NME7: variants seen among roughly 807,000 people sequenced by gnomAD.
NME7 encodes NME/NM23 family member 7, also known as nucleoside diphosphate kinase 7.
NME7 carries 41 observed loss-of-function variants against 49.1 expected under a neutral mutation model. The ratio of observed to expected loss-of-function variants is 0.83; its 90% CI spans 0.65 to 1.08. The LOEUF (loss-of-function observed/expected upper bound fraction) is 1.08, where lower values mean the gene tolerates loss of function less well. NME7 is among the 50% of genes least tolerant of loss of function. The probability of loss-of-function intolerance (pLI) is 0.00; values close to 1 mark genes in which losing one functional copy is unlikely to be tolerated. For synonymous variants in NME7, 139 were observed against 150.6 expected (o/e 0.92, Z 0.56); for missense variants, 423 against 463.4 (o/e 0.91, Z 0.80).
At chr1:169,227,281 T>C (rs1256323889) in intron 10 of NME7, among the ~76,000 whole-genome samples, 2 of 152,130 alleles carry the variant, frequency 1.3e-5, no homozygotes, top group Non-Finnish European at 2.9e-5. Context: ...AGCCCCAAAG[T>C]GTTGTTGTTT....
intron 10 of NME7, 124 bp from the exon 11 acceptor site, chr1:169,169,678 G>A (rs1163657615): frequency 1.0e-5 from 8 of 774,560 alleles, no homozygotes; most frequent in Admixed American, 2.7e-5. Flanking sequence ...GTGCTTATAA[G>A]GGTTTTTCTG....
chr1:169,267,468 C>G (rs1448554270), intron 7 of NME7, among the ~76,000 whole-genome samples: 1 of 133,426 alleles, frequency 7.5e-6, no homozygotes, highest in Non-Finnish European at 1.8e-5. Flanking sequence ...CAAGGGAACC[C>G]TAAGCAAAAA....
Position 169,273,908 on chromosome 1 carries a change from G to A in NME7, c.754+13395C>T, listed in dbSNP as rs1649594694. Among the ~76,000 whole-genome samples, 4 of 129,276 alleles carry A rather than the reference G, an allele frequency of 3.1e-5. 1 individual carries two copies. The highest frequency in any genetic ancestry group is 1.0e-4 in the African/African-American group (4 of 38,364). 84.8% of individuals were successfully genotyped at this position (129,276 alleles called of 152,430 possible). On this transcript the variant is annotated intron_variant, in intron 7 of 11. Transcript: ENST00000367811. ...CCAAGTCTTTGCTATTGTGAATAGTGCCGCAATAAACATACGTGTGCATGT... is the reference window on the plus strand; with the variant it reads ...CCAAGTCTTTGCTATTGTGAATAGTACCGCAATAAACATACGTGTGCATGT...
chr1:169,304,875 T>G (rs1486250671), intron 4 of NME7, among the ~76,000 whole-genome samples: 1 of 152,170 alleles, frequency 6.6e-6, no homozygotes, highest in East Asian at 1.9e-4. Flanking sequence ...ACGTATATAC[T>G]GCATTACAGC....
intron 10 of NME7, among the ~76,000 whole-genome samples, chr1:169,222,239 T>C (rs954861194): frequency 2.6e-5 from 4 of 152,218 alleles, no homozygotes; most frequent in African/African-American, 9.6e-5. Context: ...AACTAGAATG[T>C]AAGCTTGGTG....
intron 11 of NME7, among the ~76,000 whole-genome samples, chr1:169,144,944 T>C (rs955662624): frequency 4.6e-5 from 7 of 152,212 alleles, no homozygotes; most frequent in African/African-American, 1.4e-4. Flanking sequence ...GAACAATGAA[T>C]TCTTTATTAA....
At position 169,249,215 on chromosome 1, in the gene NME7, T is replaced by C. The variant is rs1014941487; in HGVS notation, c.755-11528A>G. Reference sequence around the variant, plus strand: ...GATCTTTTACCTCCTTGGTTAAATATATTCCTAGGTAATTTATTTTTTTCC... The same window carrying C: ...GATCTTTTACCTCCTTGGTTAAATACATTCCTAGGTAATTTATTTTTTTCC... On this transcript the variant is annotated intron_variant, in intron 7 of 11. Transcript: ENST00000367811. Among the ~76,000 whole-genome samples, 4 of 152,108 alleles carry C rather than the reference T, an allele frequency of 2.6e-5. No individual in the cohort carries two copies. In the South Asian group the frequency reaches 8.3e-4, roughly 31 times the overall value.
chr1:169,336,432 T>C (rs1191873618), intron 1 of NME7, among the ~76,000 whole-genome samples: 2 of 152,166 alleles, frequency 1.3e-5, no homozygotes, highest in Non-Finnish European at 2.9e-5. Context: ...TGGCCTGTTT[T>C]GTCAGGGCAC....
At chr1:169,180,377 C>T (rs767319792) in intron 10 of NME7, among the ~76,000 whole-genome samples, 3 of 152,170 alleles carry the variant, frequency 2.0e-5, no homozygotes, top group African/African-American at 7.2e-5. Context: ...CAATTGCTGA[C>T]GAGGCAGACA....
rs1650021353 is a variant in NME7, at chr1:169,281,642, A to G, written c.754+5661T>C. Among the ~76,000 whole-genome samples, 4 of 152,254 alleles carry G rather than the reference A, an allele frequency of 2.6e-5. No homozygotes were observed. In the South Asian group the frequency reaches 8.3e-4, roughly 32 times the overall value. ...GATATGTTCCATCAATACCTAGTTT[A>G]TTGAGAGTTTTTAGCATGAAGGGGT... On this transcript the variant is annotated intron_variant, in intron 7 of 11. Transcript: ENST00000367811.
At chr1:169,179,883 G>T (rs971249084) in intron 10 of NME7, among the ~76,000 whole-genome samples, 1 of 151,918 alleles carries the variant, frequency 6.6e-6, no homozygotes, top group Admixed American at 6.6e-5. Flanking sequence ...TAATTCCTGG[G>T]TGGTGGGATG....
At chr1:169,166,921 G>A (rs528771477) in intron 11 of NME7, among the ~76,000 whole-genome samples, 104 of 152,264 alleles carry the variant, frequency 6.8e-4, no homozygotes, top group Middle Eastern at 6.8e-3. Context: ...GCAGTGAGCC[G>A]AGATTGTGCC....
chr1:169,218,969 T>C (rs990430419), intron 10 of NME7, among the ~76,000 whole-genome samples: 2 of 152,208 alleles, frequency 1.3e-5, no homozygotes, highest in Non-Finnish European at 2.9e-5. Flanking sequence ...TTGCTGAAGA[T>C]CCAGACTTTC....
At chr1:169,326,573 G>T (rs1478552881) in intron 1 of NME7, among the ~76,000 whole-genome samples, 1 of 152,146 alleles carries the variant, frequency 6.6e-6, no homozygotes, top group African/African-American at 2.4e-5. Context: ...ACAAAAGTGA[G>T]CTGAAACCTG....
chr1:169,195,619 G>T (rs1012488784), intron 10 of NME7, among the ~76,000 whole-genome samples: 2 of 152,138 alleles, frequency 1.3e-5, no homozygotes, highest in Non-Finnish European at 2.9e-5. Context: ...CTGAGGATTA[G>T]AGCAAATCGT....
chr1:169,250,147 G>A (rs1036648609), intron 7 of NME7, among the ~76,000 whole-genome samples: 10 of 151,650 alleles, frequency 6.6e-5, no homozygotes, highest in Middle Eastern at 3.2e-3. Flanking sequence ...TGATTCAATC[G>A]CACTGCTTGT....
intron 7 of NME7, among the ~76,000 whole-genome samples, chr1:169,243,394 G>C (rs183905019): frequency 5.6e-4 from 86 of 152,268 alleles, no homozygotes; most frequent in African/African-American, 2.0e-3. Context: ...ACACAAATTT[G>C]GGGAAACAGC....
chr1:169,162,043 C>T (rs1248876693), intron 11 of NME7, among the ~76,000 whole-genome samples: 1 of 152,170 alleles, frequency 6.6e-6, no homozygotes, highest in Non-Finnish European at 1.5e-5. Context: ...TGTGGCCCCA[C>T]CCAGAGGTAG....
Position 169,261,660 on chromosome 1 carries a change from C to T in NME7, c.755-23973G>A, listed in dbSNP as rs1649166120. On this transcript the variant is annotated intron_variant, in intron 7 of 11. Coordinates refer to ENST00000367811, the MANE Select transcript of NME7 (RefSeq NM_013330.5). ...GTATCAACTTTTATAAGGCTTGACT[C>T]TGATGATGGCAGATTACTAAAGGAA... Among the ~76,000 whole-genome samples, 3 of 133,496 alleles carry T rather than the reference C, an allele frequency of 2.2e-5. 1 individual carries two copies. The South Asian group carries it at 6.9e-4, about 31-fold the overall frequency. The allele number at this position is 133,496 out of a possible 152,430, so 87.6% of individuals were successfully genotyped here.
Sources: gnomAD v4.1 joint callset for allele counts (sites outside exome capture counted in the v4.1 genomes callset) on GRCh38, gnomAD v4.1.1 for gene constraint, MANE v1.5 for transcripts, NCBI Gene and HGNC (gene_info 2026-07-23, HGNC 2026-07-21) for gene names.